Variants in CFAP20DC observed in about 807,000 individuals in gnomAD.
CFAP20DC encodes CFAP20 domain containing, also known as protein CFAP20DC.
A neutral mutation model predicts 101.7 loss-of-function variants in CFAP20DC; 84 were observed. That is an observed-to-expected ratio of 0.83 (90% CI 0.69 to 0.99). The LOEUF (loss-of-function observed/expected upper bound fraction) is 0.99. Among genes scored for constraint, CFAP20DC ranks in the 50% least tolerant of loss-of-function variants. The pLI, the probability that CFAP20DC is intolerant of heterozygous loss-of-function variation, is 0.00. For synonymous variants in CFAP20DC, 359 were observed against 351.2 expected (o/e 1.02, Z -0.25); for missense variants, 1,007 against 970.3 (o/e 1.04, Z -0.50).
intron 13 of CFAP20DC, among the ~76,000 whole-genome samples, chr3:58,840,605 A>C (rs1014017498): frequency 6.6e-6 from 1 of 152,232 alleles, no homozygotes; most frequent in Non-Finnish European, 1.5e-5. Context: ...CAGGAAGCAC[A>C]CAACCACAGA....
At chr3:58,808,155 G>A (rs1001602606) in intron 14 of CFAP20DC, among the ~76,000 whole-genome samples, 1 of 152,338 alleles carries the variant, frequency 6.6e-6, no homozygotes, top group East Asian at 1.9e-4. Flanking sequence ...ATATTATCCA[G>A]GAGAACTTCC....
chr3:58,783,339 A>G (rs939970202), intron 15 of CFAP20DC, among the ~76,000 whole-genome samples: 3 of 152,084 alleles, frequency 2.0e-5, no homozygotes, highest in African/African-American at 7.2e-5. Context: ...AGAAAAAAAC[A>G]GGAAAAACAC....
chr3:59,038,953 AT>A (rs1286442967), intron 4 of CFAP20DC, among the ~76,000 whole-genome samples: 1 of 152,152 alleles, frequency 6.6e-6, no homozygotes, highest in African/African-American at 2.4e-5. Context: ...ATATAAATTT[AT>A]TAATAAAATC....
At chr3:58,842,985 A>G (rs2077278097) in intron 13 of CFAP20DC, among the ~76,000 whole-genome samples, 1 of 152,234 alleles carries the variant, frequency 6.6e-6, no homozygotes, top group Non-Finnish European at 1.5e-5. Context: ...ACAAACAGAA[A>G]GGACATCCAC....
At chr3:58,884,048 C>T (rs753097157) in intron 7 of CFAP20DC, among the ~76,000 whole-genome samples, 2 of 151,982 alleles carry the variant, frequency 1.3e-5, no homozygotes, top group Non-Finnish European at 2.9e-5. Flanking sequence ...TAAACATTCA[C>T]GTATCCAGCT....
rs1214134349 is a variant in CFAP20DC at position 58,795,580 on chromosome 3, G to A, written c.2237+10815C>T. Among the ~76,000 whole-genome samples the A allele has an allele frequency of 1.3e-5, 2 of 152,228 alleles. No homozygotes were observed. The highest frequency in any genetic ancestry group is 4.8e-5 in the African/African-American group (2 of 41,458). On this transcript the variant is annotated intron_variant, in intron 15 of 16. Coordinates refer to ENST00000482387, the MANE Select transcript of CFAP20DC (RefSeq NM_001394063.1). This position sits in a 1 kb window ranked among gnomAD's most constrained non-coding sequence, Gnocchi z 4.2. ...GCCGAGGCTGCAATGAGCCATGATT[G>A]TGCCACTGCACTTCAGCCTGGGTGA...
intron 4 of CFAP20DC, among the ~76,000 whole-genome samples, chr3:58,953,146 T>C (rs764268407): frequency 2.0e-5 from 3 of 152,018 alleles, no homozygotes; most frequent in Non-Finnish European, 4.4e-5. Context: ...TTAAGCTGAG[T>C]TGAGCGAAGT....
intron 6 of CFAP20DC, among the ~76,000 whole-genome samples, chr3:58,911,808 C>G (rs751697108): frequency 1.3e-5 from 2 of 152,034 alleles, no homozygotes; most frequent in Non-Finnish European, 2.9e-5. Flanking sequence ...TTCAGTTTCT[C>G]CAGAGACTAA....
intron 4 of CFAP20DC, among the ~76,000 whole-genome samples, chr3:58,959,225 G>C (rs1311965138): frequency 6.6e-6 from 1 of 152,102 alleles, no homozygotes; most frequent in Non-Finnish European, 1.5e-5. Flanking sequence ...CTCCCAAATA[G>C]CTGGGATTAC....
chr3:58,941,884 A>G (rs2088652763), intron 4 of CFAP20DC, among the ~76,000 whole-genome samples: 1 of 152,154 alleles, frequency 6.6e-6, no homozygotes, highest in Admixed American at 6.5e-5. Context: ...GCATTACCGC[A>G]ATGGCTAGGG....
rs536866126 is a variant in CFAP20DC at position 58,727,556 on chromosome 3, C to G, written c.198-9928G>C. 9.2e-5 allele frequency: 14 copies of G among 152,346 alleles called. No individual in the cohort carries two copies. The East Asian group carries it at 2.7e-3, about 29-fold the overall frequency. 9.4% of individuals were successfully genotyped at this position (152,346 alleles called of 1,614,324 possible). A position where few individuals can be genotyped will look rare whatever the true frequency, so the allele number is the denominator to read the frequency against. On this transcript the variant is annotated intron_variant, in intron 3 of 3. Coordinates refer to the CFAP20DC transcript ENST00000486145. ...GGTTCACGCCATTCTCCTGCCTCAG[C>G]CTCCCGAGTAGCTGCGACTACAGGC... is the stretch of plus-strand genomic sequence containing the variant.
At position 58,912,508 on chromosome 3, in the gene CFAP20DC, G is replaced by A; in HGVS notation, c.550+1200C>T. ...AGTGAGCCACATCAAGATTTCTCAG[G>A]CACACACCCAGATGGAGCACAAATC... On this transcript the variant is annotated intron_variant, in intron 6 of 16. Coordinates refer to ENST00000482387, the MANE Select transcript of CFAP20DC (RefSeq NM_001394063.1). The surrounding 1 kb of genome is among the most constrained non-coding windows in gnomAD (Gnocchi z 4.4). The A allele has an allele frequency of 3.2e-6, 1 of 314,206 alleles. No homozygotes were observed. The highest frequency in any genetic ancestry group is 8.4e-5 in the East Asian group (1 of 11,854). The allele number at this position is 314,206 out of a possible 1,614,324, so 19.5% of individuals were successfully genotyped here.
At chr3:59,037,290 T>C (rs2094121863) in intron 4 of CFAP20DC, among the ~76,000 whole-genome samples, 1 of 152,050 alleles carries the variant, frequency 6.6e-6, no homozygotes, top group Admixed American at 6.5e-5. Flanking sequence ...TGGGATCTAA[T>C]TAAACTAAAG....
chr3:58,878,800 A>G (rs2080982472), intron 7 of CFAP20DC, among the ~76,000 whole-genome samples: 3 of 152,166 alleles, frequency 2.0e-5, no homozygotes. Flanking sequence ...TCACAAGGTC[A>G]GGAGATCGAG....
At chr3:58,812,191 C>T (rs1183454541) in intron 14 of CFAP20DC, among the ~76,000 whole-genome samples, 1 of 152,102 alleles carries the variant, frequency 6.6e-6, no homozygotes, top group Non-Finnish European at 1.5e-5. Flanking sequence ...TTGACCCAGC[C>T]ATCCCATTAC....
chr3:58,776,906 G>A (rs2071386423), intron 15 of CFAP20DC, among the ~76,000 whole-genome samples: 1 of 151,960 alleles, frequency 6.6e-6, no homozygotes, highest in African/African-American at 2.4e-5. Flanking sequence ...CTTGCCTGCA[G>A]ATCAACCTCT....
chr3:58,878,802 G>A (rs900049881), intron 7 of CFAP20DC, among the ~76,000 whole-genome samples: 33 of 152,064 alleles, frequency 2.2e-4, no homozygotes, highest in Non-Finnish European at 4.7e-4. Context: ...ACAAGGTCAG[G>A]AGATCGAGAC....
chr3:58,731,484 C>T (rs542935545), intron 3 of CFAP20DC, among the ~76,000 whole-genome samples: 3 of 152,182 alleles, frequency 2.0e-5, no homozygotes, highest in Non-Finnish European at 2.9e-5. Context: ...GGTGGTAGCT[C>T]AGGATGCTAG....
chr3:58,744,499 T>G (rs2068061984), intron 16 of CFAP20DC, among the ~76,000 whole-genome samples: 1 of 152,138 alleles, frequency 6.6e-6, no homozygotes, highest in South Asian at 2.1e-4. Context: ...TAAGTCAGGT[T>G]TGGAAACAAA....
Sources: gnomAD v4.1 joint callset for allele counts (sites outside exome capture counted in the v4.1 genomes callset) on GRCh38, gnomAD v4.1.1 for gene constraint, Gnocchi (gnomAD v3.1) non-coding constraint, MANE v1.5 for transcripts, NCBI Gene and HGNC (gene_info 2026-07-23, HGNC 2026-07-21) for gene names.